Variants in SUN3 observed in about 807,000 individuals in gnomAD.
The protein encoded by SUN3 is Sad1 and UNC84 domain containing 3.
A neutral mutation model predicts 48.2 loss-of-function variants in SUN3; 36 were observed. The observed-to-expected ratio is 0.75, with a 90% CI of 0.57 to 0.99. SUN3 has a LOEUF of 0.99. Among genes scored for constraint, SUN3 ranks in the 50% least tolerant of loss-of-function variants. SUN3 has a pLI of 0.00. For synonymous variants in SUN3, 148 were observed against 147.9 expected, an observed-to-expected ratio of 1.00 and a Z score of 0.00; for missense variants, 419 against 433.1, an observed-to-expected ratio of 0.97 and a Z score of 0.29.
At chr7:48,033,060 G>C (rs1790274024), upstream of SUN3, among the ~76,000 whole-genome samples, 1 of 152,202 alleles carries the variant, frequency 6.6e-6, no homozygotes, top group Non-Finnish European at 1.5e-5. Context: ...GAAAATATAT[G>C]TCAGAGAATG....
chr7:48,005,360 T>C (rs879349843), intron 6 of SUN3, among the ~76,000 whole-genome samples: 10 of 152,212 alleles, frequency 6.6e-5, no homozygotes, highest in Non-Finnish European at 1.3e-4. Context: ...TGGAAATTTA[T>C]TTCCCTGGCG....
intron 6 of SUN3, among the ~76,000 whole-genome samples, chr7:48,001,365 G>C (rs1456241783): frequency 6.6e-6 from 1 of 152,010 alleles, no homozygotes; most frequent in Non-Finnish European, 1.5e-5. Flanking sequence ...GTGTTAGTTT[G>C]CTAAGGATAA....
At chr7:47,998,653 T>C in intron 6 of SUN3, among the ~76,000 whole-genome samples, 1 of 152,088 alleles carries the variant, frequency 6.6e-6, no homozygotes, top group South Asian at 2.1e-4. Flanking sequence ...TTTCGCTTAT[T>C]TTTTTTTCTA....
chr7:48,014,937 A>G (rs1198895801), intron 3 of SUN3, among the ~76,000 whole-genome samples: 1 of 152,138 alleles, frequency 6.6e-6, no homozygotes, highest in African/African-American at 2.4e-5. Flanking sequence ...TTTATTCTTA[A>G]GACTTTAAAA....
chr7:48,001,787 CG>C (rs1242442003), intron 6 of SUN3, among the ~76,000 whole-genome samples: 1 of 152,122 alleles, frequency 6.6e-6, no homozygotes, highest in Non-Finnish European at 1.5e-5. Flanking sequence ...CTGCCCGCCT[CG>C]GCCTCCCAAA....
chr7:47,994,947 T>C (rs1789164693), intron 7 of SUN3, among the ~76,000 whole-genome samples: 1 of 152,066 alleles, frequency 6.6e-6, no homozygotes, highest in South Asian at 2.1e-4. Flanking sequence ...ATGGTAGTAA[T>C]GGTAGTGGTG....
chr7:47,989,677 T>G (rs1583737733), intron 8 of SUN3, among the ~76,000 whole-genome samples: 1 of 152,298 alleles, frequency 6.6e-6, no homozygotes, highest in Admixed American at 6.5e-5. Flanking sequence ...ATTATATATG[T>G]ATGTGGGGAA....
intron 2 of SUN3, among the ~76,000 whole-genome samples, chr7:48,021,561 GA>G (rs56960345): frequency 0.19 from 19,380 of 99,602 alleles, 4,082 homozygotes; most frequent in African/African-American, 0.52. Context: ...ACTCTACAGA[GA>G]AAAAAAAAAA....
intron 8 of SUN3, among the ~76,000 whole-genome samples, chr7:47,989,641 C>T (rs748441564): frequency 1.3e-5 from 2 of 152,100 alleles, no homozygotes; most frequent in African/African-American, 4.8e-5. Context: ...GAGTTGGATA[C>T]ATCATGGTTA....
intron 8 of SUN3, among the ~76,000 whole-genome samples, chr7:47,992,891 G>A (rs1468398941): frequency 2.0e-5 from 3 of 152,070 alleles, no homozygotes; most frequent in Non-Finnish European, 2.9e-5. Flanking sequence ...AGTGGCTCAC[G>A]TCTGTAATCC....
chr7:48,008,098 ACAGGCGTGAGC>A (rs1194279809), intron 4 of SUN3, among the ~76,000 whole-genome samples: 1 of 152,222 alleles, frequency 6.6e-6, no homozygotes, highest in African/African-American at 2.4e-5. Flanking sequence ...TGCTGGGATT[ACAGGCGTGAGC>A]CACCACGCCC....
chr7:48,008,679 C>T (rs1789599557), intron 4 of SUN3, among the ~76,000 whole-genome samples: 1 of 152,160 alleles, frequency 6.6e-6, no homozygotes, highest in South Asian at 2.1e-4. Flanking sequence ...TATGTATATG[C>T]ACAAGTGAGA....
intron 8 of SUN3, among the ~76,000 whole-genome samples, chr7:47,993,558 A>C (rs555187158): frequency 6.6e-6 from 1 of 152,352 alleles, no homozygotes; most frequent in East Asian, 1.9e-4. Context: ...AGCCATTCAC[A>C]AAAGATCACA....
chr7:48,012,620 A>C (rs1015134969), intron 3 of SUN3, among the ~76,000 whole-genome samples: 2 of 152,206 alleles, frequency 1.3e-5, no homozygotes, highest in African/African-American at 4.8e-5. Flanking sequence ...GCCCTGGGTA[A>C]ATAACTAAGC....
At chr7:48,020,088 T>C (rs1312683461) in intron 2 of SUN3, among the ~76,000 whole-genome samples, 1 of 150,978 alleles carries the variant, frequency 6.6e-6, no homozygotes, top group Non-Finnish European at 1.5e-5. Flanking sequence ...AATTCCATGA[T>C]ACATTAGAAA....
chr7:48,034,006 A>G (rs1790286840), upstream of SUN3, among the ~76,000 whole-genome samples: 1 of 152,204 alleles, frequency 6.6e-6, no homozygotes. Context: ...GTGAGCCAAG[A>G]TCACCCCACT....
At chr7:48,029,284 C>G (rs3946500), upstream of SUN3, among the ~76,000 whole-genome samples, 464 of 152,288 alleles carry the variant, frequency 3.0e-3, 7 homozygotes, top group African/African-American at 0.01. Flanking sequence ...GATAGCAAAT[C>G]TGGATGTTTT....
intron 6 of SUN3, 33 bp downstream of exon 6, chr7:48,005,936 T>A (rs778408980): frequency 3.6e-5 from 52 of 1,433,868 alleles, no homozygotes; most frequent in Non-Finnish European, 4.7e-5. Flanking sequence ...CTTTTTTTTT[T>A]AATGTTCCTC....
intron 9 of SUN3, 28 bp from the exon 10 acceptor site, chr7:47,987,477 C>G: frequency 2.0e-6 from 3 of 1,501,752 alleles, no homozygotes; most frequent in Non-Finnish European, 2.7e-6. Flanking sequence ...AAAATCAATG[C>G]CTTATAACGA....
Sources: gnomAD v4.1 joint callset for allele counts (sites outside exome capture counted in the v4.1 genomes callset) on GRCh38, gnomAD v4.1.1 for gene constraint, MANE v1.5 for transcripts, NCBI Gene and HGNC (gene_info 2026-07-23, HGNC 2026-07-21) for gene names.